ZC3H3: variants seen among roughly 807,000 people sequenced by gnomAD.
ZC3H3 encodes zinc finger CCCH-type containing 3.
A neutral mutation model predicts 77.3 loss-of-function variants in ZC3H3; 36 were observed. That is an observed-to-expected ratio of 0.47 (90% confidence interval 0.36 to 0.61). ZC3H3 has a LOEUF of 0.61. ZC3H3 is among the 20% of genes least tolerant of loss of function. The pLI is 0.00. For synonymous variants in ZC3H3, 626 were observed against 555.2 expected, an observed-to-expected ratio of 1.13 and a Z score of -1.79; for missense variants, 1,331 against 1,312.2, an observed-to-expected ratio of 1.01 and a Z score of -0.22.
chr8:143,457,239 A>G (rs986492498), intron 9 of ZC3H3, among the ~76,000 whole-genome samples: 1 of 152,228 alleles, frequency 6.6e-6, no homozygotes, highest in Admixed American at 6.5e-5. Flanking sequence ...GTATGATTTT[A>G]ATCAATACAG....
intron 3 of ZC3H3, among the ~76,000 whole-genome samples, chr8:143,513,192 G>A (rs1485061126): frequency 6.6e-6 from 1 of 152,146 alleles, no homozygotes; most frequent in Non-Finnish European, 1.5e-5. Context: ...CTGGGACCAT[G>A]CCGCCCTCAG....
At chr8:143,448,825 A>C (rs1019984227) in intron 9 of ZC3H3, among the ~76,000 whole-genome samples, 1 of 152,044 alleles carries the variant, frequency 6.6e-6, no homozygotes, top group Non-Finnish European at 1.5e-5. Context: ...TGAGGGCTTG[A>C]CCCCTGCAGT....
At chr8:143,500,416 C>G (rs1012340169) in intron 4 of ZC3H3, among the ~76,000 whole-genome samples, 2 of 152,252 alleles carry the variant, frequency 1.3e-5, no homozygotes, top group African/African-American at 4.8e-5. Context: ...GGTCCCGGGC[C>G]TGGGGCTGGC....
At chr8:143,501,413 G>C (rs778236625) in intron 4 of ZC3H3, among the ~76,000 whole-genome samples, 1 of 151,330 alleles carries the variant, frequency 6.6e-6, no homozygotes, top group Non-Finnish European at 1.5e-5. Context: ...CATGTTGCCC[G>C]AGCTGGTCTT....
chr8:143,515,321 C>G (rs1346224875), intron 3 of ZC3H3, among the ~76,000 whole-genome samples: 1 of 152,222 alleles, frequency 6.6e-6, no homozygotes, highest in Non-Finnish European at 1.5e-5. Context: ...ATCATGCCAG[C>G]CAGGCAGGTC....
In ZC3H3 at chr8:143,462,803, G is replaced by T. The variant is rs534841968; in HGVS notation, c.2307+2914C>A. ...TGGAGTCACTGTCACCCCTGCACAC[G>T]TGCACACGATGCTCCCCAGCCCTGT... is the stretch of plus-strand genomic sequence containing the variant. On this transcript the variant is annotated intron_variant, in intron 9 of 11. Transcript: ENST00000262577. The surrounding 1 kb of genome is among the most constrained non-coding windows in gnomAD (Gnocchi z 4.7). Among the ~76,000 whole-genome samples the T allele has an allele frequency of 6.6e-6, 1 of 152,198 alleles. No homozygotes were observed. The highest frequency in any genetic ancestry group is 1.5e-5 in the Non-Finnish European group (1 of 68,016).
chr8:143,464,378 G>T (rs371843855), intron 9 of ZC3H3, among the ~76,000 whole-genome samples: 1 of 152,382 alleles, frequency 6.6e-6, no homozygotes, highest in African/African-American at 2.4e-5. Flanking sequence ...TACCTCCCCG[G>T]AGGGGATTGC....
chr8:143,505,372 A>G (rs1821657148), intron 4 of ZC3H3, among the ~76,000 whole-genome samples: 1 of 152,220 alleles, frequency 6.6e-6, no homozygotes, highest in African/African-American at 2.4e-5. Flanking sequence ...AGGCTAGACC[A>G]GCCGCTGGCC....
At chr8:143,492,781 C>T (rs1460705413) in intron 4 of ZC3H3, among the ~76,000 whole-genome samples, 1 of 117,674 alleles carries the variant, frequency 8.5e-6, no homozygotes, top group East Asian at 2.9e-4. Flanking sequence ...CTCAGGGTCC[C>T]GTGTCCTGGC....
At position 143,470,155 on chromosome 8, in the gene ZC3H3, G is replaced by A. The variant is rs73715609; in HGVS notation, c.1904-1496C>T. ...CCCCACTCCTCGCTTTGTGCTTTGC[G>A]TCCAGCCCAGTGCTCCCTAGCTAGG... On this transcript the variant is annotated intron_variant, in intron 5 of 11. Coordinates refer to ENST00000262577, the MANE Select transcript of ZC3H3 (RefSeq NM_015117.3). Among the ~76,000 whole-genome samples the A allele has an allele frequency of 1.3e-3, 192 of 152,268 alleles. 1 individual carries two copies. The highest frequency in any genetic ancestry group is 4.0e-3 in the African/African-American group (166 of 41,552).
At position 143,538,164 on chromosome 8, in the gene ZC3H3, C is replaced by G. The variant is rs145312531; in HGVS notation, c.1203G>C (p.Lys401Asn). 7,965 of 1,613,056 alleles carry G rather than the reference C, an allele frequency of 4.9e-3. 37 individuals are homozygous for G. The highest frequency in any genetic ancestry group is 0.016 in the Middle Eastern group (96 of 6,062). Reference sequence around the variant, plus strand: ...CTGGGGAGAGCTGGGAGGCATGGTCCTTGCTGCTGGCCTCCGACTGCCAAC... The same window carrying G: ...CTGGGGAGAGCTGGGAGGCATGGTCGTTGCTGCTGGCCTCCGACTGCCAAC... ...SFRWQSEASSKDHASQLSPVL... is the reference protein window; with the variant it reads ...SFRWQSEASSNDHASQLSPVL... Residue 401 changes from lysine to asparagine, a missense_variant, in exon 2 of 12, where the codon AAG (lysine) becomes AAC (asparagine). Transcript: ENST00000262577.
In ZC3H3 at chr8:143,441,053, T is replaced by A. The variant is rs560949274; in HGVS notation, c.2375A>T (p.Gln792Leu). The change falls in exon 10 of 12, where the codon CAG becomes CTG. Residue 792 changes from glutamine (Q) to leucine (L), a missense_variant. Physicochemically the swap from Gln to Leu is moderately radical, Grantham distance 113. Coordinates refer to ENST00000262577, the MANE Select transcript of ZC3H3 (RefSeq NM_015117.3). ...ARRGACPRGA[Q>L]CQLLHRTQKR... The stretch of plus-strand genomic sequence containing the variant: ...CTGGGTACGGTGGAGCAGCTGGCAC[T>A]GGGCGCCGCGGGGACACGCCCCCCT... 6.7e-7 allele frequency: 1 copy of A among 1,482,468 alleles called. No homozygotes were observed. The highest frequency in any genetic ancestry group is 1.4e-5 in the South Asian group (1 of 72,546). 91.8% of individuals were successfully genotyped at this position (1,482,468 alleles called of 1,614,324 possible). A position where few individuals can be genotyped will look rare whatever the true frequency, so the allele number is the denominator to read the frequency against.
chr8:143,457,806 G>A lies in ZC3H3; in HGVS notation c.2307+7911C>T, dbSNP rs544209377. On this transcript the variant is annotated intron_variant, in intron 9 of 11. Coordinates refer to ENST00000262577, the MANE Select transcript of ZC3H3 (RefSeq NM_015117.3). ...TGCTTGAGCCCAGGAGGTTGAGGCT[G>A]TAGTGAGCTATGATTGCACCACTGC... 9.5e-4 allele frequency among the ~76,000 whole-genome samples: 144 copies of A among 152,264 alleles called. 1 individual carries two copies. Among genetic ancestry groups the A allele is most frequent in the African/African-American group, 3.4e-3 (140 of 41,540 alleles).
At chr8:143,512,338 A>T (rs1036461356) in intron 3 of ZC3H3, among the ~76,000 whole-genome samples, 2 of 152,134 alleles carry the variant, frequency 1.3e-5, no homozygotes, top group African/African-American at 2.4e-5. Flanking sequence ...CTGGCACCTC[A>T]CCATCTCCAC....
At chr8:143,522,657 G>T (rs1008827480) in intron 3 of ZC3H3, among the ~76,000 whole-genome samples, 9 of 152,032 alleles carry the variant, frequency 5.9e-5, no homozygotes, top group Non-Finnish European at 8.8e-5. Context: ...AGTGGCTCAC[G>T]CCTGGAATCC....
intron 4 of ZC3H3, among the ~76,000 whole-genome samples, chr8:143,477,117 C>A (rs1172718888): frequency 1.3e-5 from 2 of 152,232 alleles, no homozygotes; most frequent in African/African-American, 4.8e-5. Flanking sequence ...CCCCTCCGGG[C>A]CTTGGTCCCT....
chr8:143,519,504 A>G (rs760181265), intron 3 of ZC3H3, among the ~76,000 whole-genome samples: 4 of 152,034 alleles, frequency 2.6e-5, no homozygotes, highest in Non-Finnish European at 4.4e-5. Context: ...CCCAGGCCTG[A>G]GCACCCCACA....
chr8:143,496,520 T>C (rs1821356027), intron 4 of ZC3H3, among the ~76,000 whole-genome samples: 1 of 152,088 alleles, frequency 6.6e-6, no homozygotes, highest in Non-Finnish European at 1.5e-5. Context: ...CAGAGCAGAT[T>C]ACAGCCTATC....
chr8:143,499,763 G>C (rs1404566857), intron 4 of ZC3H3, among the ~76,000 whole-genome samples: 1 of 152,140 alleles, frequency 6.6e-6, no homozygotes, highest in Non-Finnish European at 1.5e-5. Context: ...GGCCAAGCTA[G>C]ACACGGGCAG....
Sources: allele counts gnomAD v4.1 joint callset (sites outside exome capture counted in the v4.1 genomes callset), GRCh38; gene constraint gnomAD v4.1.1; non-coding constraint Gnocchi (gnomAD v3.1); transcripts MANE v1.5; gene names NCBI Gene and HGNC (gene_info 2026-07-23, HGNC 2026-07-21).